MROH7: variants seen among roughly 807,000 people sequenced by gnomAD.
MROH7 encodes maestro heat like repeat family member 7.
In MROH7, 113 loss-of-function variants were observed where a neutral mutation model predicts 129.2. The ratio of observed to expected loss-of-function variants is 0.87; its 90% CI spans 0.75 to 1.02. MROH7 has a LOEUF of 1.02. Ranked by LOEUF, MROH7 falls within the 50% of genes least tolerant of loss-of-function variation. MROH7 has a pLI of 0.00. For synonymous variants in MROH7, 655 were observed against 667.9 expected (o/e 0.98, Z 0.30); for missense variants, 1,601 against 1,671.3 (o/e 0.96, Z 0.73).
intron 13 of MROH7, among the ~76,000 whole-genome samples, chr1:54,682,164 T>C (rs895017570): frequency 9.3e-5 from 14 of 149,766 alleles, no homozygotes; most frequent in East Asian, 7.8e-4. Context: ...TTCTTTCTTT[T>C]TTTTTTTTTT....
chr1:54,709,139 T>G (rs1279997497), intron 23 of MROH7, 63 bp downstream of exon 23: 13 of 1,493,002 alleles, frequency 8.7e-6, no homozygotes, highest in Non-Finnish European at 1.1e-5. Context: ...AGAATCACAG[T>G]GGGTAACAGG....
intron 13 of MROH7, 84 bp from the exon 14 acceptor site, chr1:54,682,572 C>A: frequency 7.1e-7 from 1 of 1,415,398 alleles, no homozygotes. Context: ...GGCATCTTAC[C>A]TTCCCCCTCC....
chr1:54,666,307 C>A (rs1644813164), intron 4 of MROH7, among the ~76,000 whole-genome samples: 1 of 151,780 alleles, frequency 6.6e-6, no homozygotes, highest in Non-Finnish European at 1.5e-5. Context: ...GAGAGAAGCA[C>A]AGAGTGATTA....
At chr1:54,697,041 T>G (rs1645335204) in intron 17 of MROH7, among the ~76,000 whole-genome samples, 1 of 152,212 alleles carries the variant, frequency 6.6e-6, no homozygotes, top group Non-Finnish European at 1.5e-5. Flanking sequence ...CTTTATCCAT[T>G]TGTCTGTTGG....
At chr1:54,671,394 C>T (rs542472861) in intron 7 of MROH7, among the ~76,000 whole-genome samples, 17 of 152,294 alleles carry the variant, frequency 1.1e-4, no homozygotes, top group Non-Finnish European at 2.5e-4. Flanking sequence ...AGCGAGACTC[C>T]GTCTCAAAAC....
rs1336585771 is a variant in MROH7, at chr1:54,686,420, G to A, written c.2683G>A (p.Ala895Thr). Residue 895 changes from alanine to threonine, a missense_variant, in exon 15 of 24, where the codon GCA (alanine) becomes ACA (threonine). By Grantham distance (58) the Ala-to-Thr change is moderately conservative. Transcript: ENST00000421030. Reference sequence around the variant, plus strand: ...TCCTCCCAAGGACACCAAGAAGGGTGCACAGCCCTCTCCCTTCGTACCTGT... The same window carrying A: ...TCCTCCCAAGGACACCAAGAAGGGTACACAGCCCTCTCCCTTCGTACCTGT... ...VAPPKDTKKG[A>T]QPSPFVPVRW... 2.5e-6 allele frequency: 4 copies of A among 1,613,978 alleles called. No homozygotes were observed. The highest frequency in any genetic ancestry group is 3.4e-6 in the Non-Finnish European group (4 of 1,180,034).
At chr1:54,655,428 T>C (rs139920858) in intron 3 of MROH7, among the ~76,000 whole-genome samples, 82 of 152,176 alleles carry the variant, frequency 5.4e-4, no homozygotes, top group African/African-American at 1.8e-3. Context: ...TGGAGTTCAG[T>C]GGTGTGATCA....
chr1:54,652,489 G>T (rs7533275), intron 2 of MROH7, among the ~76,000 whole-genome samples: 42,139 of 152,212 alleles, frequency 0.28, 6,550 homozygotes, highest in East Asian at 0.64. Context: ...TCTTGTCATT[G>T]CAAAGCTCAT....
At chr1:54,684,699 C>T (rs1478263465) in intron 14 of MROH7, among the ~76,000 whole-genome samples, 1 of 152,198 alleles carries the variant, frequency 6.6e-6, no homozygotes, top group Non-Finnish European at 1.5e-5. Flanking sequence ...GGCTTTGAGT[C>T]CAAGAGACTT....
intron 9 of MROH7, 92 bp from the exon 10 acceptor site, chr1:54,673,924 A>G (rs1032455724): frequency 5.2e-6 from 8 of 1,546,026 alleles, no homozygotes; most frequent in Non-Finnish European, 7.1e-6. Context: ...GGGCTGTGCT[A>G]TCTGGGCCAG....
intron 7 of MROH7, among the ~76,000 whole-genome samples, chr1:54,672,121 C>T (rs1173741181): frequency 1.3e-5 from 2 of 152,006 alleles, no homozygotes; most frequent in African/African-American, 2.4e-5. Context: ...GCCAGCATCC[C>T]GGAGGTGGTG....
intron 12 of MROH7, 71 bp downstream of exon 12, chr1:54,679,510 A>C: frequency 2.6e-6 from 4 of 1,512,990 alleles, no homozygotes; most frequent in Non-Finnish European, 3.6e-6. Flanking sequence ...CCTGCTCATC[A>C]CTGGCCGGCC....
intron 22 of MROH7, among the ~76,000 whole-genome samples, chr1:54,706,958 A>G (rs143624278): frequency 6.6e-6 from 1 of 151,932 alleles, no homozygotes; most frequent in African/African-American, 2.4e-5. Context: ...TGGATTATTT[A>G]CTCCCACTGA....
rs1645415361 is a variant in MROH7 at position 54,700,395 on chromosome 1, C to T, written c.3039C>T (p.His1013=). Residue 1013 remains histidine, a synonymous_variant, in exon 18 of 24, where the codon CAC becomes CAT. Transcript: ENST00000421030. ...GGCGGATGGCAGAAGGCCTGAGCCA[C>T]CACGACCCCATCATGAAGGTGCTGT... is the stretch of plus-strand genomic sequence containing the variant. ...SLGRMAEGLS[H]HDPIMKVLSI... 1 of 1,613,886 alleles carries T rather than the reference C, an allele frequency of 6.2e-7. No individual in the cohort carries two copies. The highest frequency in any genetic ancestry group is 8.5e-7 in the Non-Finnish European group (1 of 1,179,888).
rs1307779169 is a variant in MROH7 at position 54,670,922 on chromosome 1, C to T, written c.1592C>T (p.Thr531Ile). ...GAGAAGGACGAGGCCAAGGCTGAGA[C>T]CATCCAGGTGAGGCGGGACCTTCCC... ...MQEKDEAKAETIQALYHQTLE... is the reference protein window; with the variant it reads ...MQEKDEAKAEIIQALYHQTLE... Residue 531 changes from threonine to isoleucine, a missense_variant, in exon 7 of 24, where the codon ACC (threonine) becomes ATC (isoleucine). Thr to Ile is a moderately conservative substitution (Grantham distance 89). Transcript: ENST00000421030. 6.2e-7 allele frequency: 1 copy of T among 1,603,646 alleles called. No individual in the cohort carries two copies. Among genetic ancestry groups the T allele is most frequent in the Non-Finnish European group, 8.5e-7 (1 of 1,175,474 alleles).
intron 22 of MROH7, among the ~76,000 whole-genome samples, chr1:54,706,865 A>G (rs1439593672): frequency 3.9e-5 from 6 of 152,174 alleles, no homozygotes; most frequent in Admixed American, 1.3e-4. Flanking sequence ...CCCCATTGAC[A>G]GCAGCAGGAG....
chr1:54,676,347 C>A (rs1029485562), intron 10 of MROH7, among the ~76,000 whole-genome samples: 1 of 152,228 alleles, frequency 6.6e-6, no homozygotes, highest in African/African-American at 2.4e-5. Flanking sequence ...AGGTGATCCT[C>A]CCACCTCAGC....
intron 4 of MROH7, among the ~76,000 whole-genome samples, chr1:54,666,495 T>C (rs955905948): frequency 7.5e-6 from 1 of 133,086 alleles, no homozygotes; most frequent in African/African-American, 2.8e-5. Context: ...AGTGCGGTGG[T>C]GCAATCTTGG....
rs751677304 is a variant in MROH7 at position 54,653,589 on chromosome 1, C to T, written c.663C>T (p.Gly221=). ...DLDSNPLLNM[G]SRNTSKLNLN... ...ACTCCAATCCATTGCTCAACATGGG[C>T]TCAAGAAACACCTCCAAGCTGAACC... The change falls in exon 3 of 24, where the codon GGC becomes GGT. Residue 221 remains glycine, a synonymous_variant. Transcript: ENST00000421030. The T allele has an allele frequency of 1.3e-5, 21 of 1,614,054 alleles. No individual in the cohort carries two copies. The Middle Eastern group carries it at 1.3e-3, about 101-fold the overall frequency.
Sources: gnomAD v4.1 joint callset for allele counts (sites outside exome capture counted in the v4.1 genomes callset) on GRCh38, gnomAD v4.1.1 for gene constraint, MANE v1.5 for transcripts, NCBI Gene and HGNC (gene_info 2026-07-23, HGNC 2026-07-21) for gene names.